NUDC: variants seen among roughly 807,000 people sequenced by gnomAD.
NUDC encodes the protein nuclear distribution C, dynein complex regulator, also known as nuclear migration protein nudC.
In NUDC, 14 loss-of-function variants were observed where a neutral mutation model predicts 45.0. That is an observed-to-expected ratio of 0.31 (90% CI 0.21 to 0.49). The LOEUF is 0.49. NUDC is among the 20% of genes least tolerant of loss of function. The probability of loss-of-function intolerance (pLI) is 0.99; values close to 1 mark genes in which losing one functional copy is unlikely to be tolerated. For synonymous variants in NUDC, 153 were observed against 156.7 expected (o/e 0.98, Z 0.17); for missense variants, 323 against 426.2 (o/e 0.76, Z 2.13).
chr1:26,920,754 CCAAAAAA>C (rs1303108568), upstream of NUDC, among the ~76,000 whole-genome samples: 176 of 148,046 alleles, frequency 1.2e-3, 2 homozygotes, highest in South Asian at 0.015. Context: ...TCCATCTCTA[CCAAAAAA>C]CAAAAAACAA....
At chr1:26,918,344 G>A (rs1408715367), upstream of NUDC, among the ~76,000 whole-genome samples, 1 of 149,878 alleles carries the variant, frequency 6.7e-6, no homozygotes, top group Non-Finnish European at 1.5e-5. Context: ...CCCAATCTCG[G>A]CTCACTGCAA....
At chr1:26,942,545 G>A in intron 4 of NUDC, 115 bp from the exon 5 acceptor site, 1 of 1,479,362 alleles carries the variant, frequency 6.8e-7, no homozygotes, top group Non-Finnish European at 9.4e-7. Context: ...CAGGGACCAG[G>A]TCTGTTTTCT....
intron 1 of NUDC, among the ~76,000 whole-genome samples, chr1:26,901,655 T>C (rs1322287745): frequency 6.6e-6 from 1 of 152,142 alleles, no homozygotes; most frequent in African/African-American, 2.4e-5. Flanking sequence ...TCCACCCGCC[T>C]TGGCCTCCCA....
intron 3 of NUDC, among the ~76,000 whole-genome samples, chr1:26,912,688 C>T (rs753851315): frequency 3.3e-5 from 5 of 152,296 alleles, no homozygotes; most frequent in South Asian, 2.1e-4. Flanking sequence ...GTCCTCCCTA[C>T]GCCCCTTTCA....
chr1:26,914,088 T>C, intron 3 of NUDC: 1 of 587,924 alleles, frequency 1.7e-6, no homozygotes, highest in Non-Finnish European at 2.5e-6. Flanking sequence ...ACACAGACAT[T>C]GCCCCTGGCA....
chr1:26,933,990 T>C (rs903341429), intron 2 of NUDC, among the ~76,000 whole-genome samples: 1 of 152,082 alleles, frequency 6.6e-6, no homozygotes, highest in African/African-American at 2.4e-5. Flanking sequence ...CCAGCTCTCC[T>C]AAAAATACAA....
chr1:26,907,807 C>A (rs1038814777), intron 2 of NUDC, among the ~76,000 whole-genome samples: 2 of 152,184 alleles, frequency 1.3e-5, no homozygotes, highest in African/African-American at 4.8e-5. Flanking sequence ...TGGTTCCAGA[C>A]CGCTTGATCC....
intron 6 of NUDC, 106 bp downstream of exon 6, chr1:26,943,171 T>G: frequency 5.3e-6 from 6 of 1,123,018 alleles, no homozygotes; most frequent in Non-Finnish European, 8.1e-6. Context: ...TGGGATTATC[T>G]TAATCCCCAT....
At chr1:26,945,331 G>C in intron 6 of NUDC, 59 bp from the exon 7 acceptor site, 1 of 1,405,248 alleles carries the variant, frequency 7.1e-7, no homozygotes. Context: ...AAGGGTTAAG[G>C]GGTGATTCCT....
chr1:26,910,433 G>A (rs1376642252), intron 2 of NUDC, among the ~76,000 whole-genome samples: 1 of 152,272 alleles, frequency 6.6e-6, no homozygotes, highest in East Asian at 1.9e-4. Flanking sequence ...CCTTGCTCCT[G>A]GCACTGGGTC....
Position 26,941,339 on chromosome 1 carries a change from G to A in NUDC, c.160-118G>A, listed in dbSNP as rs916275321. On this transcript the variant is annotated intron_variant, in intron 2 of 8. Transcript: ENST00000321265. ...TCCTCATTTTGCACATGAGGAAACC[G>A]AGTTTCTGGGTGCAGTGCTTTGCCC... The A allele has an allele frequency of 3.7e-5, 37 of 988,142 alleles. 1 individual carries two copies. Among genetic ancestry groups the A allele is most frequent in the African/African-American group, 4.8e-5 (3 of 62,126 alleles). 61.2% of individuals were successfully genotyped at this position (988,142 alleles called of 1,614,324 possible). A position where few individuals can be genotyped will look rare whatever the true frequency, so the allele number is the denominator to read the frequency against.
At chr1:26,911,317 T>G in intron 3 of NUDC, 1 of 387,632 alleles carries the variant, frequency 2.6e-6, no homozygotes, top group East Asian at 7.3e-5. Context: ...CTCCTTCCCC[T>G]GAGGATAAAG....
intron 4 of NUDC, 49 bp downstream of exon 4, chr1:26,941,867 C>A (rs2082280161): frequency 6.4e-7 from 1 of 1,559,888 alleles, no homozygotes; most frequent in Non-Finnish European, 8.8e-7. Context: ...TTGGAACTTA[C>A]AGGAAATCTC....
At chr1:26,924,900 A>T (rs1208384485) in intron 2 of NUDC, among the ~76,000 whole-genome samples, 1 of 150,080 alleles carries the variant, frequency 6.7e-6, no homozygotes, top group Non-Finnish European at 1.5e-5. Context: ...TTATTTTTTG[A>T]AATGGAGTCT....
chr1:26,932,269 C>T (rs929609842), intron 2 of NUDC, among the ~76,000 whole-genome samples: 13 of 150,564 alleles, frequency 8.6e-5, no homozygotes, highest in African/African-American at 2.2e-4. Context: ...CTCTGCCTTC[C>T]GGGTTCAAGC....
rs761510361 is a variant in NUDC at position 26,945,469 on chromosome 1, C to T, written c.821C>T (p.Ser274Phe). The T allele has an allele frequency of 6.2e-7, 1 of 1,613,926 alleles. No individual in the cohort carries two copies. The highest frequency in any genetic ancestry group is 8.5e-7 in the Non-Finnish European group (1 of 1,179,954). ...ACCAAGAAGATTAACCCTGAGAATTCCAAGGTGAGCCCTGGCTGGTTGGGG... is the reference window on the plus strand; with the variant it reads ...ACCAAGAAGATTAACCCTGAGAATTTCAAGGTGAGCCCTGGCTGGTTGGGG... Reference protein sequence around the residue: ...INTKKINPENSKLSDLDSETR... With the variant: ...INTKKINPENFKLSDLDSETR... Residue 274 changes from serine (S) to phenylalanine (F), a missense_variant, in exon 7 of 9, where the codon TCC (serine) becomes TTC (phenylalanine). Around this residue, in one of 3 missense-constraint regions of NUDC, gnomAD observed 54 missense variants for 100.2 expected, o/e 0.54. Coordinates refer to ENST00000321265, the MANE Select transcript of NUDC (RefSeq NM_006600.4).
chr1:26,914,493 G>A (rs189758103), intron 3 of NUDC, among the ~76,000 whole-genome samples: 16 of 152,244 alleles, frequency 1.1e-4, no homozygotes, highest in African/African-American at 3.9e-4. Context: ...AGGGAAGGGA[G>A]CCAGGACCCT....
intron 2 of NUDC, among the ~76,000 whole-genome samples, chr1:26,934,731 C>T (rs999395782): frequency 4.0e-5 from 6 of 149,540 alleles, no homozygotes; most frequent in African/African-American, 1.5e-4. Flanking sequence ...GCAATCTGGG[C>T]TCACTGCAAG....
At chr1:26,927,685 T>A (rs932512660) in intron 2 of NUDC, among the ~76,000 whole-genome samples, 2 of 152,040 alleles carry the variant, frequency 1.3e-5, no homozygotes, top group African/African-American at 2.4e-5. Context: ...CATGAGCCAC[T>A]GCGCCCAGCC....
Sources: allele counts gnomAD v4.1 joint callset (sites outside exome capture counted in the v4.1 genomes callset), GRCh38; gene constraint gnomAD v4.1.1; regional missense constraint gnomAD v4.1.1; transcripts MANE v1.5; gene names NCBI Gene and HGNC (gene_info 2026-07-23, HGNC 2026-07-21).